The following EBF2 variants were observed in gnomAD, a reference collection of about 807,000 sequenced individuals.
EBF2 encodes the protein EBF transcription factor 2.
A neutral mutation model predicts 72.8 loss-of-function variants in EBF2; 21 were observed. The observed-to-expected ratio is 0.29, with a 90% CI of 0.20 to 0.42. The LOEUF (loss-of-function observed/expected upper bound fraction) is 0.42. Among genes scored for constraint, EBF2 ranks in the 10% least tolerant of loss-of-function variants. The probability of loss-of-function intolerance (pLI) is 1.00; values close to 1 mark genes in which losing one functional copy is unlikely to be tolerated. For missense variants in EBF2, 637 were observed against 731.2 expected, an observed-to-expected ratio of 0.87 and a Z score of 1.49; for synonymous variants, 299 against 274.2, an observed-to-expected ratio of 1.09 and a Z score of -0.89.
At position 25,842,581 on chromosome 8, in the gene EBF2, T is replaced by G. The variant is rs915444943; in HGVS notation, c.*2028A>C. On this transcript the variant is annotated 3_prime_UTR_variant, in exon 16 of 16. Transcript: ENST00000520164. ...ATTCTTCCCCTTCCATCAATCAGGT[T>G]TCTCACTGGGGGACTTTTTCTCTTA... 1.3e-5 allele frequency: 2 copies of G among 152,338 alleles called. No individual in the cohort carries two copies. The highest frequency in any genetic ancestry group is 3.9e-4 in the East Asian group (2 of 5,190). 9.4% of individuals were successfully genotyped at this position (152,338 alleles called of 1,614,324 possible).
intron 6 of EBF2, among the ~76,000 whole-genome samples, chr8:25,995,842 TTAA>T (rs1267461918): frequency 3.3e-5 from 5 of 151,906 alleles, no homozygotes; most frequent in South Asian, 2.1e-4. Flanking sequence ...AACATTTATA[TTAA>T]TAATACATAG....
rs1234248030 is a variant in EBF2 at position 26,044,632 on chromosome 8, G to A, written c.131+97C>T. The A allele has an allele frequency of 2.0e-6, 3 of 1,511,448 alleles. No homozygotes were observed. Among genetic ancestry groups the A allele is most frequent in the Non-Finnish European group, 2.7e-6 (3 of 1,118,724 alleles). 93.6% of individuals were successfully genotyped at this position (1,511,448 alleles called of 1,614,324 possible). ...CCTGGGCGACAGATGGGGGGACAGG[G>A]AGAGAGAAAGGCACGGGGTGCGCGG... On this transcript the variant is annotated intron_variant, in intron 1 of 15. Transcript: ENST00000520164. The surrounding 1 kb of genome is among the most constrained non-coding windows in gnomAD (Gnocchi z 4.1).
In EBF2 at chr8:26,044,634, G is replaced by A. The variant is rs1805670641; in HGVS notation, c.131+95C>T. 1 of 1,515,370 alleles carries A rather than the reference G, an allele frequency of 6.6e-7. No individual in the cohort carries two copies. Among genetic ancestry groups the A allele is most frequent in the Non-Finnish European group, 8.9e-7 (1 of 1,122,284 alleles). The allele number at this position is 1,515,370 out of a possible 1,614,324, so 93.9% of individuals were successfully genotyped here. ...TGGGCGACAGATGGGGGGACAGGGA[G>A]AGAGAAAGGCACGGGGTGCGCGGGG... On this transcript the variant is annotated intron_variant, in intron 1 of 15. Coordinates refer to ENST00000520164, the MANE Select transcript of EBF2 (RefSeq NM_022659.4). This position sits in a 1 kb window ranked among gnomAD's most constrained non-coding sequence, Gnocchi z 4.1.
chr8:25,955,093 T>G (rs1245125591), intron 6 of EBF2, among the ~76,000 whole-genome samples: 2 of 152,190 alleles, frequency 1.3e-5, no homozygotes, highest in Admixed American at 6.5e-5. Context: ...CAGTGTGGGC[T>G]GCGGCAGACA....
intron 8 of EBF2, among the ~76,000 whole-genome samples, chr8:25,889,393 C>T (rs1563389957): frequency 6.6e-6 from 1 of 152,110 alleles, no homozygotes. Flanking sequence ...GTTTTGCCTA[C>T]AATCTGTTTA....
chr8:25,853,341 A>C (rs1802021085), intron 14 of EBF2, among the ~76,000 whole-genome samples: 1 of 152,134 alleles, frequency 6.6e-6, no homozygotes, highest in Non-Finnish European at 1.5e-5. Flanking sequence ...TAATTGGAAA[A>C]AGAAAAACGC....
At chr8:25,961,090 A>G (rs1804026929) in intron 6 of EBF2, among the ~76,000 whole-genome samples, 1 of 152,194 alleles carries the variant, frequency 6.6e-6, no homozygotes, top group African/African-American at 2.4e-5. Flanking sequence ...ATTGTACCCT[A>G]TATTGCATTG....
chr8:25,848,341 C>T (rs773607235), intron 15 of EBF2, among the ~76,000 whole-genome samples: 19 of 152,258 alleles, frequency 1.2e-4, no homozygotes, highest in South Asian at 4.1e-4. Context: ...CTGCTCAGCC[C>T]GAGCATCCTG....
At chr8:25,848,607 TAGAG>T (rs1228959308) in intron 15 of EBF2, among the ~76,000 whole-genome samples, 3 of 151,948 alleles carry the variant, frequency 2.0e-5, no homozygotes, top group Non-Finnish European at 2.9e-5. Flanking sequence ...CCAGGTAAAA[TAGAG>T]AAGATCTGAG....
At chr8:26,020,130 CAG>C (rs1805182033) in intron 6 of EBF2, among the ~76,000 whole-genome samples, 6 of 152,170 alleles carry the variant, frequency 3.9e-5, no homozygotes, top group South Asian at 4.1e-4. Context: ...AATTTGCTTC[CAG>C]TCTCAGTGAT....
intron 10 of EBF2, among the ~76,000 whole-genome samples, chr8:25,865,237 A>G (rs988211636): frequency 6.6e-6 from 1 of 152,228 alleles, no homozygotes; most frequent in African/African-American, 2.4e-5. Context: ...CTTCTTCTTT[A>G]GATCCCTCAG....
chr8:25,990,506 G>C (rs1025932790), intron 6 of EBF2, among the ~76,000 whole-genome samples: 6 of 152,130 alleles, frequency 3.9e-5, no homozygotes, highest in Non-Finnish European at 5.9e-5. Flanking sequence ...TGTGCTGTAA[G>C]AAAACAGCCT....
intron 6 of EBF2, among the ~76,000 whole-genome samples, chr8:25,991,455 A>G (rs1431999557): frequency 6.6e-6 from 1 of 152,118 alleles, no homozygotes; most frequent in Non-Finnish European, 1.5e-5. Context: ...TCTTCCCACC[A>G]CAATCCTGTG....
chr8:25,848,857 CGATGAATAAAACCAGAGA>C (rs1357645099), intron 15 of EBF2, among the ~76,000 whole-genome samples: 1 of 151,976 alleles, frequency 6.6e-6, no homozygotes, highest in Non-Finnish European at 1.5e-5. Context: ...GGGTTAAGGT[CGATGAATAAAACCAGAGA>C]ACTTAAAAAG....
chr8:26,005,164 C>T, intron 6 of EBF2, among the ~76,000 whole-genome samples: 1 of 129,206 alleles, frequency 7.7e-6, no homozygotes. Flanking sequence ...TGGAACACTG[C>T]TAAGAAGTTA....
intron 8 of EBF2, among the ~76,000 whole-genome samples, chr8:25,888,304 A>G (rs1802726143): frequency 6.6e-6 from 1 of 152,238 alleles, no homozygotes; most frequent in African/African-American, 2.4e-5. Context: ...GCTGCTGGTC[A>G]TTCCAAGAAG....
At chr8:25,982,815 CAA>C (rs971265008) in intron 6 of EBF2, among the ~76,000 whole-genome samples, 6 of 152,086 alleles carry the variant, frequency 3.9e-5, no homozygotes, top group African/African-American at 1.4e-4. Flanking sequence ...AACAGAAACA[CAA>C]AAGAGTGACC....
At chr8:25,856,891 A>C (rs1293815107) in intron 14 of EBF2, among the ~76,000 whole-genome samples, 1 of 152,222 alleles carries the variant, frequency 6.6e-6, no homozygotes, top group African/African-American at 2.4e-5. Flanking sequence ...TCCCTTGAAT[A>C]GACCAAATGA....
chr8:25,869,074 C>T (rs559369694), intron 10 of EBF2, among the ~76,000 whole-genome samples: 1 of 152,254 alleles, frequency 6.6e-6, no homozygotes, highest in South Asian at 2.1e-4. Context: ...ACTGCTTTCT[C>T]GGCCAACCAC....
Sources: gnomAD v4.1 joint callset for allele counts (sites outside exome capture counted in the v4.1 genomes callset) on GRCh38, gnomAD v4.1.1 for gene constraint, Gnocchi (gnomAD v3.1) non-coding constraint, MANE v1.5 for transcripts, NCBI Gene and HGNC (gene_info 2026-07-23, HGNC 2026-07-21) for gene names.